Variants in ANKRD45 observed in about 807,000 individuals in gnomAD.
ANKRD45 encodes ankyrin repeat domain 45, also known as ankyrin repeat domain-containing protein 45.
A neutral mutation model predicts 28.1 loss-of-function variants in ANKRD45; 21 were observed. The observed-to-expected ratio is 0.75, with a 90% CI of 0.53 to 1.08. The LOEUF (loss-of-function observed/expected upper bound fraction) is 1.08. Among genes scored for constraint, ANKRD45 ranks in the 50% least tolerant of loss-of-function variants. The pLI is 0.00. For synonymous variants in ANKRD45, 86 were observed against 103.9 expected (o/e 0.83, Z 1.05); for missense variants, 261 against 308.7 (o/e 0.85, Z 1.16).
the ANKRD45 span, among the ~76,000 whole-genome samples, chr1:173,706,527 C>T: frequency 2.6e-5 from 4 of 151,492 alleles, no homozygotes; most frequent in African/African-American, 4.9e-5. Flanking sequence ...TTAGTAGAGA[C>T]GGGGTTTCAC....
chr1:173,612,402 A>C (rs994716912), intron 5 of ANKRD45, among the ~76,000 whole-genome samples: 5 of 152,158 alleles, frequency 3.3e-5, no homozygotes, highest in Admixed American at 3.3e-4. Flanking sequence ...GAAAAAAATA[A>C]AAATGGGCAA....
At position 173,624,805 on chromosome 1, in the gene ANKRD45, TGA is replaced by T; in HGVS notation, c.710_711del (p.Phe237TyrfsTer19). The part of the protein sequence containing the change: ...QQLEDIVTPI[F>X]TKMTTPCQVK... ...AACTTACATGGTGTAGTCATTTTTG[TGA>T]AGATAGGAGTCACAATATCTTCCAG... is the stretch of plus-strand genomic sequence containing the variant. On this transcript the variant is annotated frameshift_variant, in exon 5 of 6. Coordinates refer to ENST00000333279, the MANE Select transcript of ANKRD45 (RefSeq NM_198493.3). LOFTEE classifies it high-confidence loss of function. 6.2e-7 allele frequency: 1 copy of T among 1,613,558 alleles called. No homozygotes were observed. The highest frequency in any genetic ancestry group is 8.5e-7 in the Non-Finnish European group (1 of 1,179,750).
chr1:173,681,686 G>C, the ANKRD45 span, among the ~76,000 whole-genome samples: 1 of 152,078 alleles, frequency 6.6e-6, no homozygotes, highest in African/African-American at 2.4e-5. Context: ...AAATAAAGGT[G>C]AAAATCAAAT....
the ANKRD45 span, among the ~76,000 whole-genome samples, chr1:173,697,703 G>T: frequency 6.6e-6 from 1 of 152,150 alleles, no homozygotes; most frequent in African/African-American, 2.4e-5. Flanking sequence ...ATCAGCTACT[G>T]CAAAAATACG....
chr1:173,708,937 G>T, the ANKRD45 span, among the ~76,000 whole-genome samples: 3 of 152,170 alleles, frequency 2.0e-5, no homozygotes, highest in Non-Finnish European at 4.4e-5. Context: ...AAGCACCCTA[G>T]AATTCTATAG....
the ANKRD45 span, among the ~76,000 whole-genome samples, chr1:173,693,236 G>A: frequency 2.0e-5 from 3 of 152,010 alleles, no homozygotes; most frequent in Admixed American, 1.3e-4. Context: ...AGAGGTTGCA[G>A]TGAGCTGAGA....
intron 5 of ANKRD45, among the ~76,000 whole-genome samples, chr1:173,618,509 T>C (rs530740627): frequency 2.0e-5 from 3 of 151,964 alleles, no homozygotes; most frequent in Non-Finnish European, 2.9e-5. Flanking sequence ...CAAGTATCAA[T>C]AGAAGAACAG....
chr1:173,649,374 T>C (rs1439516736), intron 2 of ANKRD45, among the ~76,000 whole-genome samples: 2 of 152,206 alleles, frequency 1.3e-5, no homozygotes, highest in Non-Finnish European at 2.9e-5. Context: ...CAATGTTTAA[T>C]CCTGTCAAAT....
At chr1:173,685,058 T>C in the ANKRD45 span, among the ~76,000 whole-genome samples, 1 of 152,210 alleles carries the variant, frequency 6.6e-6, no homozygotes, top group Admixed American at 6.5e-5. Context: ...ATGTTTTATT[T>C]TTCCTTCCTC....
At chr1:173,653,017 A>G (rs975110631) in intron 2 of ANKRD45, among the ~76,000 whole-genome samples, 8 of 151,966 alleles carry the variant, frequency 5.3e-5, no homozygotes, top group Non-Finnish European at 1.2e-4. Context: ...TTAGCAGTCT[A>G]TCAATTTTGT....
chr1:173,700,653 C>A, the ANKRD45 span, among the ~76,000 whole-genome samples: 1 of 152,154 alleles, frequency 6.6e-6, no homozygotes, highest in Non-Finnish European at 1.5e-5. Flanking sequence ...CTTCCTTACA[C>A]CTTATACAAA....
At chr1:173,638,746 G>A (rs1434993295) in intron 3 of ANKRD45, among the ~76,000 whole-genome samples, 3 of 152,162 alleles carry the variant, frequency 2.0e-5, no homozygotes, top group African/African-American at 7.2e-5. Flanking sequence ...ACTGACTCCA[G>A]AATCTTGAAA....
the ANKRD45 span, among the ~76,000 whole-genome samples, chr1:173,702,638 G>A: frequency 3.3e-5 from 5 of 151,754 alleles, no homozygotes; most frequent in African/African-American, 1.2e-4. Flanking sequence ...GTGCCATGAT[G>A]TCAGGGGCTC....
chr1:173,610,931 AC>A (rs1667117352), intron 5 of ANKRD45, among the ~76,000 whole-genome samples: 1 of 152,130 alleles, frequency 6.6e-6, no homozygotes, highest in Non-Finnish European at 1.5e-5. Flanking sequence ...CATTTTGCAA[AC>A]AAGCCCAGAT....
chr1:173,686,525 A>C, the ANKRD45 span, among the ~76,000 whole-genome samples: 2 of 152,078 alleles, frequency 1.3e-5, no homozygotes, highest in Non-Finnish European at 2.9e-5. Context: ...TTTGATGAGA[A>C]CATGATCCTC....
chr1:173,646,737 G>T, intron 3 of ANKRD45, 109 bp downstream of exon 3: 2 of 1,099,728 alleles, frequency 1.8e-6, no homozygotes, highest in South Asian at 1.6e-5. Context: ...TGTGACTGTG[G>T]TTGTATCTAC....
intron 3 of ANKRD45, among the ~76,000 whole-genome samples, chr1:173,636,236 T>C (rs1376981421): frequency 6.6e-6 from 1 of 152,158 alleles, no homozygotes; most frequent in Admixed American, 6.5e-5. Flanking sequence ...TTCAGATGTA[T>C]CTAAGAAATC....
chr1:173,657,065 A>G (rs2102382890), intron 2 of ANKRD45, among the ~76,000 whole-genome samples: 1 of 148,492 alleles, frequency 6.7e-6, no homozygotes, highest in African/African-American at 2.5e-5. Flanking sequence ...GGTGTGAGCC[A>G]CCACACCTGG....
intron 3 of ANKRD45, among the ~76,000 whole-genome samples, chr1:173,643,077 A>T (rs1257045619): frequency 1.3e-5 from 2 of 152,010 alleles, no homozygotes; most frequent in Admixed American, 1.3e-4. Context: ...TGTTATTTTT[A>T]ATGTGTTAGA....
Sources: gnomAD v4.1 joint callset for allele counts (sites outside exome capture counted in the v4.1 genomes callset) on GRCh38, gnomAD v4.1.1 for gene constraint, MANE v1.5 for transcripts, NCBI Gene and HGNC (gene_info 2026-07-23, HGNC 2026-07-21) for gene names.